The following CCNE1 variants were observed in gnomAD, a reference collection of about 807,000 sequenced individuals.
CCNE1 encodes the protein G1/S-specific cyclin-E1.
CCNE1 carries 8 observed loss-of-function variants against 54.1 expected under a neutral mutation model. That is an observed-to-expected ratio of 0.15 (90% CI 0.09 to 0.27). The LOEUF is 0.27. Ranked by LOEUF, CCNE1 falls within the 10% of genes least tolerant of loss-of-function variation. The pLI, the probability that CCNE1 is intolerant of heterozygous loss-of-function variation, is 1.00. For missense variants in CCNE1, 430 were observed against 514.9 expected, an observed-to-expected ratio of 0.84 and a Z score of 1.60; for synonymous variants, 179 against 185.2, an observed-to-expected ratio of 0.97 and a Z score of 0.27.
chr19:29,816,562 C>T (rs934529494), intron 4 of CCNE1, among the ~76,000 whole-genome samples: 6 of 151,996 alleles, frequency 3.9e-5, no homozygotes, highest in Non-Finnish European at 5.9e-5. Flanking sequence ...CTGTTTGTTT[C>T]GAGTTAAGGA....
chr19:29,812,625 C>T (rs1304397148), intron 2 of CCNE1, 47 bp downstream of exon 2: 40 of 1,543,440 alleles, frequency 2.6e-5, no homozygotes, highest in South Asian at 1.1e-4. Context: ...CGGGACGGGA[C>T]GGGTGGCGTG....
rs1210212130 is a variant in CCNE1 at position 29,820,598 on chromosome 19, T to C, written c.463-104T>C. On this transcript the variant is annotated intron_variant, in intron 6 of 11. Transcript: ENST00000262643. The stretch of plus-strand genomic sequence containing the variant: ...CTATCAATTGTTGAGTTCAGGAACT[T>C]TGCATTTTATATTTTCCTTCACCAA... 4 of 819,862 alleles carry C rather than the reference T, an allele frequency of 4.9e-6. No homozygotes were observed. In the Admixed American group the frequency reaches 8.1e-5, roughly 17 times the overall value. The allele number at this position is 819,862 out of a possible 1,614,324, so 50.8% of individuals were successfully genotyped here.
In CCNE1 at chr19:29,820,802, T is replaced by C; in HGVS notation, c.563T>C (p.Leu188Ser). Residue 188 changes from leucine to serine, a missense_variant, in exon 7 of 12, where the codon TTA becomes TCA. Transcript: ENST00000262643. ...CAAGAAAATGTTGTAAAAACTCTTTTACAGCTTATTGGGATTTCATCTTTA... is the reference window on the plus strand; with the variant it reads ...CAAGAAAATGTTGTAAAAACTCTTTCACAGCTTATTGGGATTTCATCTTTA... ...ATQENVVKTL[L>S]QLIGISSLFI... The C allele has an allele frequency of 6.2e-7, 1 of 1,604,510 alleles. No homozygotes were observed. The highest frequency in any genetic ancestry group is 8.5e-7 in the Non-Finnish European group (1 of 1,173,672).
intron 4 of CCNE1, chr19:29,813,265 A>C: frequency 1.7e-6 from 1 of 571,642 alleles, no homozygotes; most frequent in Non-Finnish European, 3.1e-6. Flanking sequence ...CTGAGATTAC[A>C]GATATGTGCC....
intron 3 of CCNE1, 45 bp downstream of exon 3, chr19:29,812,821 C>A (rs372773313): frequency 1.3e-6 from 2 of 1,585,646 alleles, no homozygotes; most frequent in South Asian, 1.1e-5. Flanking sequence ...CCCCATCTCA[C>A]CTGGGTACCC....
chr19:29,815,872 A>AT (rs1245400386), intron 4 of CCNE1, among the ~76,000 whole-genome samples: 4 of 151,554 alleles, frequency 2.6e-5, no homozygotes, highest in Non-Finnish European at 5.9e-5. Flanking sequence ...AAAAAAAAAA[A>AT]TGCCAGGTGC....
In CCNE1 at chr19:29,812,546, C is replaced by T. The variant is rs2145714496; in HGVS notation, c.-10C>T. On this transcript the variant is annotated 5_prime_UTR_variant, in exon 2 of 12. Transcript: ENST00000262643. ...CCGCCCCGCAGGCCTCAGGCCGGAG[C>T]AGCCCCATCATGCCGAGGGAGCGCA... The T allele has an allele frequency of 6.7e-7, 1 of 1,490,136 alleles. No homozygotes were observed. Among genetic ancestry groups the T allele is most frequent in the Non-Finnish European group, 8.9e-7 (1 of 1,126,046 alleles). The allele number at this position is 1,490,136 out of a possible 1,614,324, so 92.3% of individuals were successfully genotyped here.
At chr19:29,819,999 A>G (rs1974112070) in intron 6 of CCNE1, among the ~76,000 whole-genome samples, 1 of 152,254 alleles carries the variant, frequency 6.6e-6, no homozygotes, top group Admixed American at 6.5e-5. Flanking sequence ...TAAAGAAAGC[A>G]CTTCACGGCT....
Position 29,822,224 on chromosome 19 carries a change from C to T in CCNE1, c.841-16C>T, listed in dbSNP as rs1974165395. 1 of 1,612,306 alleles carries T rather than the reference C, an allele frequency of 6.2e-7. No homozygotes were observed. The highest frequency in any genetic ancestry group is 1.3e-5 in the African/African-American group (1 of 74,882). Reference sequence around the variant, plus strand: ...GTGTGGTGGCATCCATCTCAGCGTTCTTTTCTTCTCCGTAGCTGTTGGATC... The same window carrying T: ...GTGTGGTGGCATCCATCTCAGCGTTTTTTTCTTCTCCGTAGCTGTTGGATC... On this transcript the variant is annotated splice_polypyrimidine_tract_variant and intron_variant, in intron 9 of 11. Transcript: ENST00000262643.
chr19:29,815,552 G>A (rs893036444), intron 4 of CCNE1, among the ~76,000 whole-genome samples: 20 of 151,698 alleles, frequency 1.3e-4, no homozygotes, highest in African/African-American at 4.8e-4. Flanking sequence ...CTTACAGCCC[G>A]AGTTTCCACT....
rs2145730171 is a variant in CCNE1 at position 29,822,542 on chromosome 19, G to T, written c.1049G>T (p.Arg350Met). 6.2e-7 allele frequency: 1 copy of T among 1,614,142 alleles called. No individual in the cohort carries two copies. Among genetic ancestry groups the T allele is most frequent in the Non-Finnish European group, 8.5e-7 (1 of 1,180,022 alleles). The change falls in exon 11 of 12, where the codon AGG (arginine) becomes ATG (methionine). Residue 350 changes from arginine to methionine, a missense_variant. Physicochemically the swap from Arg to Met is moderately conservative, Grantham distance 91 (BLOSUM62 -1). Around this residue, in one of 2 missense-constraint regions of CCNE1, gnomAD observed 303 missense variants for 401.1 expected, o/e 0.76. Coordinates refer to ENST00000262643, the MANE Select transcript of CCNE1 (RefSeq NM_001238.4). ...GGGAGCTCAAAACTGAAGCACTTCA[G>T]GGGCGTCGCTGATGAAGATGCACAC... ...ETGSSKLKHF[R>M]GVADEDAHNI...
intron 11 of CCNE1, 103 bp from the exon 12 acceptor site, chr19:29,823,551 GA>G (rs889643536): frequency 0.015 from 12,495 of 820,640 alleles, no homozygotes; most frequent in South Asian, 0.021. Context: ...TCCATCTTGA[GA>G]AAAAAAAAAA....
intron 4 of CCNE1, among the ~76,000 whole-genome samples, chr19:29,816,639 T>G (rs1282538739): frequency 6.6e-6 from 1 of 152,266 alleles, no homozygotes; most frequent in East Asian, 1.9e-4. Flanking sequence ...ATGTCACATT[T>G]GATGAGTTTT....
At chr19:29,818,634 A>G (rs1341126821) in intron 6 of CCNE1, among the ~76,000 whole-genome samples, 1 of 151,988 alleles carries the variant, frequency 6.6e-6, no homozygotes, top group Non-Finnish European at 1.5e-5. Context: ...AATAAAATAT[A>G]TTGTTCAAAT....
chr19:29,812,614 A>ACGGGT (rs1973917452), intron 2 of CCNE1, 36 bp downstream of exon 2: 2 of 1,543,548 alleles, frequency 1.3e-6, no homozygotes, highest in Admixed American at 2.0e-5. Context: ...ACGGGACGGG[A>ACGGGT]CGGGACGGGA....
intron 7 of CCNE1, 28 bp downstream of exon 7, chr19:29,820,876 T>G (rs1372111679): frequency 6.5e-7 from 1 of 1,526,788 alleles, no homozygotes; most frequent in Non-Finnish European, 9.0e-7. Flanking sequence ...ATTTGTTCTA[T>G]AATGTGTGTT....
rs3218068 is a variant in CCNE1 at position 29,822,437 on chromosome 19, T to C, written c.953-9T>C. 15,234 of 1,613,912 alleles carry C rather than the reference T, an allele frequency of 9.4e-3. 969 individuals carry two copies. In the East Asian group the frequency reaches 0.14, roughly 15 times the overall value. ...GCCTCAGATTAAGCCCACGATGTCT[T>C]CACTGCAGGGTATCAGTGGTGCGAC... On this transcript the variant is annotated splice_polypyrimidine_tract_variant and intron_variant, in intron 10 of 11. Coordinates refer to ENST00000262643, the MANE Select transcript of CCNE1 (RefSeq NM_001238.4).
intron 5 of CCNE1, 50 bp downstream of exon 5, chr19:29,817,332 C>T: frequency 6.2e-7 from 1 of 1,613,400 alleles, no homozygotes; most frequent in Non-Finnish European, 8.5e-7. Flanking sequence ...CTCCATGCTC[C>T]CCTTTATCCC....
chr19:29,817,337 T>C, intron 5 of CCNE1, 55 bp downstream of exon 5: 3 of 1,613,616 alleles, frequency 1.9e-6, no homozygotes, highest in Non-Finnish European at 2.5e-6. Context: ...TGCTCCCCTT[T>C]ATCCCTCATA....
Sources: gnomAD v4.1 joint callset for allele counts (sites outside exome capture counted in the v4.1 genomes callset) on GRCh38, gnomAD v4.1.1 for gene constraint, gnomAD v4.1.1 regional missense constraint, MANE v1.5 for transcripts, NCBI Gene and HGNC (gene_info 2026-07-23, HGNC 2026-07-21) for gene names.